RPS6KA6: variants seen among roughly 807,000 people sequenced by gnomAD.
RPS6KA6 encodes the protein ribosomal protein S6 kinase alpha-6.
Under a neutral mutation model 65.4 loss-of-function variants are expected in RPS6KA6, and 27 were observed. The ratio of observed to expected loss-of-function variants is 0.41; its 90% confidence interval spans 0.30 to 0.57. RPS6KA6 has a LOEUF of 0.57. Among genes scored for constraint, RPS6KA6 ranks in the 20% least tolerant of loss-of-function variants. The probability of loss-of-function intolerance (pLI) is 0.24; values close to 1 mark genes in which losing one functional copy is unlikely to be tolerated. For missense variants in RPS6KA6, 486 were observed against 555.6 expected, an observed-to-expected ratio of 0.87 and a Z score of 1.26; for synonymous variants, 190 against 184.2, an observed-to-expected ratio of 1.03 and a Z score of -0.26.
chrX:84,073,040 C>T (rs976364198), intron 20 of RPS6KA6, among the ~76,000 whole-genome samples: 2 of 111,393 alleles, frequency 1.8e-5, no homozygotes, highest in Non-Finnish European at 3.8e-5. Flanking sequence ...TTATAAAATT[C>T]GTATGGAAGC....
Position 84,117,141 on chromosome X carries a change from G to A in RPS6KA6, c.868C>T (p.Leu290Phe). ...ETMNMILKAK[L>F]GMPQFLSAEA... is the part of the protein sequence containing the mutation. ...GCACTAAGAAATTGAGGCATTCCAA[G>A]TTTTGCTCTGAAACAGAGGATTTTA... The change falls in exon 11 of 22, where the codon CTT (leucine) becomes TTT (phenylalanine). Residue 290 changes from leucine (L) to phenylalanine (F), a missense_variant. Transcript: ENST00000262752. 1 of 1,175,232 alleles carries A rather than the reference G, an allele frequency of 8.5e-7. No homozygotes were observed. Among genetic ancestry groups the A allele is most frequent in the Non-Finnish European group, 1.1e-6 (1 of 870,747 alleles).
chrX:84,153,293 G>A (rs2035360635), intron 3 of RPS6KA6, among the ~76,000 whole-genome samples: 2 of 111,406 alleles, frequency 1.8e-5, no homozygotes, highest in Non-Finnish European at 3.8e-5. Context: ...TAAAATGTAT[G>A]TTTTATATAA....
At chrX:84,120,375 T>C (rs1419417959) in intron 8 of RPS6KA6, among the ~76,000 whole-genome samples, 1 of 111,782 alleles carries the variant, frequency 8.9e-6, no homozygotes, top group Non-Finnish European at 1.9e-5. Flanking sequence ...TAGTAACTTA[T>C]ACTTTTTAAA....
At chrX:84,169,713 A>C (rs774790296) in intron 1 of RPS6KA6, among the ~76,000 whole-genome samples, 1 of 112,075 alleles carries the variant, frequency 8.9e-6, no homozygotes, top group Non-Finnish European at 1.9e-5. Context: ...TTTCCGAAGA[A>C]GACAGTAGAG....
intron 18 of RPS6KA6, among the ~76,000 whole-genome samples, chrX:84,100,305 ACAT>A (rs1314629463): frequency 2.8e-4 from 31 of 111,054 alleles, no homozygotes; most frequent in African/African-American, 9.8e-4. Flanking sequence ...TGGGAAAAAA[ACAT>A]CAATGGGCTG....
intron 6 of RPS6KA6, among the ~76,000 whole-genome samples, chrX:84,142,992 A>C (rs1412956678): frequency 9.0e-6 from 1 of 110,976 alleles, no homozygotes; most frequent in East Asian, 2.8e-4. Context: ...TGGAGTCAGA[A>C]TTACTCTAAT....
At chrX:84,158,752 T>C (rs1159723901) in intron 2 of RPS6KA6, among the ~76,000 whole-genome samples, 1 of 111,339 alleles carries the variant, frequency 9.0e-6, no homozygotes, top group East Asian at 2.8e-4. Flanking sequence ...AACTACCACA[T>C]ATTATATCAC....
chrX:84,159,780 AAGGTAAAATG>A (rs1397676180), intron 2 of RPS6KA6, among the ~76,000 whole-genome samples: 1 of 111,012 alleles, frequency 9.0e-6, no homozygotes, highest in Non-Finnish European at 1.9e-5. Context: ...AGAAGTAATT[AAGGTAAAATG>A]AGGCCATATG....
At chrX:84,147,787 A>G (rs2035225553) in intron 4 of RPS6KA6, among the ~76,000 whole-genome samples, 2 of 112,101 alleles carry the variant, frequency 1.8e-5, no homozygotes, top group East Asian at 5.6e-4. Flanking sequence ...ATATATCCTA[A>G]TTAAGTTAAT....
chrX:84,182,136 A>G (rs140385343), intron 1 of RPS6KA6, among the ~76,000 whole-genome samples: 5,505 of 109,288 alleles, frequency 0.05, 196 homozygotes, highest in East Asian at 0.2. Flanking sequence ...ATGTAGAGAT[A>G]CAGATTAAAA....
chrX:84,106,001 ATTATT>A, intron 15 of RPS6KA6, 125 bp from the exon 16 acceptor site: 3 of 400,966 alleles, frequency 7.5e-6, no homozygotes, highest in Non-Finnish European at 1.3e-5. Flanking sequence ...CTTACCTCAT[ATTATT>A]TTAACATTTA....
intron 6 of RPS6KA6, among the ~76,000 whole-genome samples, chrX:84,144,658 C>T (rs764382073): frequency 9.0e-6 from 1 of 110,741 alleles, no homozygotes; most frequent in South Asian, 3.8e-4. Flanking sequence ...GCACATGACC[C>T]AGTCATTATA....
At chrX:84,079,724 G>C (rs1157766563) in intron 20 of RPS6KA6, among the ~76,000 whole-genome samples, 1 of 112,246 alleles carries the variant, frequency 8.9e-6, no homozygotes, top group African/African-American at 3.2e-5. Context: ...GTGAAACTGG[G>C]CAGAGCCCAC....
rs1041991466 is a variant in RPS6KA6 at position 84,060,770 on chromosome X, C to T, written c.*3507G>A. On this transcript the variant is annotated 3_prime_UTR_variant, in exon 22 of 22. Transcript: ENST00000262752. ...TGTTCCTTTCCCCCAAAATATTTTC[C>T]GTGATAGGAACTGAATTTAAAATTA... The T allele has an allele frequency of 9.0e-6, 1 of 111,648 alleles. No individual in the cohort carries two copies. Among genetic ancestry groups the T allele is most frequent in the African/African-American group, 3.3e-5 (1 of 30,715 alleles). The allele number at this position is 111,648 out of a possible 1,213,427, so 9.2% of individuals were successfully genotyped here. A position where few individuals can be genotyped will look rare whatever the true frequency, so the allele number is the denominator to read the frequency against.
chrX:84,139,860 C>T, intron 6 of RPS6KA6, among the ~76,000 whole-genome samples: 1 of 111,786 alleles, frequency 8.9e-6, no homozygotes, highest in Non-Finnish European at 1.9e-5. Context: ...GACGTATGCC[C>T]CACAACTGCC....
rs1170791072 is a variant in RPS6KA6 at position 84,161,060 on chromosome X, A to G, written c.141+3268T>C. Among the ~76,000 whole-genome samples, 8 of 111,213 alleles carry G rather than the reference A, an allele frequency of 7.2e-5. No homozygotes were observed. The East Asian group carries it at 2.3e-3, about 31-fold the overall frequency. ...TAATACTTACTCTATTTCAGATCTCAGTTATAAGGATCAACTGAGAACTTT... is the reference window on the plus strand; with the variant it reads ...TAATACTTACTCTATTTCAGATCTCGGTTATAAGGATCAACTGAGAACTTT... On this transcript the variant is annotated intron_variant, in intron 2 of 21. Transcript: ENST00000262752.
chrX:84,187,863 G>T lies in RPS6KA6; in HGVS notation c.37C>A (p.Arg13=), dbSNP rs139134408. ...PFAPQDEPWD[R]EMEVFSGGGA... ...CCGCCGCTGAACACTTCCATTTCTC[G>T]GTCCCAGGGCTCGTCCTGAGGAGCG... The change falls in exon 1 of 22, where the codon CGA becomes AGA. Residue 13 remains arginine (R), a synonymous_variant. Coordinates refer to ENST00000262752, the MANE Select transcript of RPS6KA6 (RefSeq NM_014496.5). 8.3e-7 allele frequency: 1 copy of T among 1,201,126 alleles called. No homozygotes were observed. Among genetic ancestry groups the T allele is most frequent in the Non-Finnish European group, 1.1e-6 (1 of 890,557 alleles).
Position 84,188,079 on chromosome X carries a change from T to TCGC in RPS6KA6, c.-183_-181dup, listed in dbSNP as rs1404653321. Among the ~76,000 whole-genome samples the TCGC allele has an allele frequency of 3.0e-3, 59 of 19,976 alleles. No individual in the cohort carries two copies. Among genetic ancestry groups the TCGC allele is most frequent in the African/African-American group, 0.01 (54 of 5,205 alleles). 17.3% of individuals were successfully genotyped at this position (19,976 alleles called of 115,157 possible). On this transcript the variant is annotated 5_prime_UTR_variant, in exon 1 of 22. Coordinates refer to ENST00000262752, the MANE Select transcript of RPS6KA6 (RefSeq NM_014496.5). ...TCTCTCAGAGGCTGGGAGCTGGGGG[T>TCGC]CGCCGCCGCCGCCGCCCGGTGATTC...
Position 84,063,557 on chromosome X carries a change from C to T in RPS6KA6, c.*720G>A, listed in dbSNP as rs1184819290. Reference sequence around the variant, plus strand: ...AAAAAGTTTCACTTGTACTAAATTTCCATGATGTAAAATTTACAGAAGCCT... The same window carrying T: ...AAAAAGTTTCACTTGTACTAAATTTTCATGATGTAAAATTTACAGAAGCCT... On this transcript the variant is annotated 3_prime_UTR_variant, in exon 22 of 22. Transcript: ENST00000262752. 1 of 111,372 alleles carries T rather than the reference C, an allele frequency of 9.0e-6. No individual in the cohort carries two copies. The highest frequency in any genetic ancestry group is 1.9e-5 in the Non-Finnish European group (1 of 52,977). The allele number at this position is 111,372 out of a possible 1,213,427, so 9.2% of individuals were successfully genotyped here.
Sources: gnomAD v4.1 joint callset for allele counts (sites outside exome capture counted in the v4.1 genomes callset) on GRCh38, gnomAD v4.1.1 for gene constraint, MANE v1.5 for transcripts, NCBI Gene and HGNC (gene_info 2026-07-23, HGNC 2026-07-21) for gene names.